The following TBX15 variants were observed in gnomAD, a reference collection of about 807,000 sequenced individuals.
TBX15 encodes T-box transcription factor 15.
Under a neutral mutation model 53.9 loss-of-function variants are expected in TBX15, and 18 were observed. The ratio of observed to expected loss-of-function variants is 0.33; its 90% confidence interval spans 0.23 to 0.49. The LOEUF (loss-of-function observed/expected upper bound fraction) is 0.49. TBX15 is among the 20% of genes least tolerant of loss of function. The pLI is 0.98. For synonymous variants in TBX15, 295 were observed against 278.0 expected (o/e 1.06, Z -0.61); for missense variants, 692 against 749.5 (o/e 0.92, Z 0.90).
intron 1 of TBX15, among the ~76,000 whole-genome samples, chr1:118,955,279 G>C (rs963854564): frequency 4.6e-5 from 7 of 152,020 alleles, no homozygotes; most frequent in Admixed American, 3.9e-4. Flanking sequence ...GAAAAGTGAA[G>C]TCTGGAACTG....
rs552523567 is a variant in TBX15, at chr1:118,932,726, A to G, written c.206-894T>C. Reference sequence around the variant, plus strand: ...GCTGGGGGGCAGGGGAAGCTGACTGATGGAGAAGGCTAGAGCCAGATTTAC... The same window carrying G: ...GCTGGGGGGCAGGGGAAGCTGACTGGTGGAGAAGGCTAGAGCCAGATTTAC... On this transcript the variant is annotated intron_variant, in intron 1 of 7. Coordinates refer to ENST00000369429, the MANE Select transcript of TBX15 (RefSeq NM_001330677.2). Among the ~76,000 whole-genome samples the G allele has an allele frequency of 6.6e-5, 10 of 152,254 alleles. No individual in the cohort carries two copies. In the East Asian group the frequency reaches 1.2e-3, roughly 18 times the overall value.
At chr1:118,976,481 T>C (rs1258308729) in intron 1 of TBX15, among the ~76,000 whole-genome samples, 1 of 152,160 alleles carries the variant, frequency 6.6e-6, no homozygotes, top group Admixed American at 6.5e-5. Flanking sequence ...TTTTTGGGGA[T>C]TTCTGAGCTC....
intron 3 of TBX15, 85 bp downstream of exon 3, chr1:118,926,424 GC>G (rs2101599824): frequency 8.3e-7 from 1 of 1,202,078 alleles, no homozygotes; most frequent in East Asian, 2.5e-5. Flanking sequence ...AGCATGCATT[GC>G]TAAACTATTT....
At chr1:118,926,261 A>C (rs1455202632) in intron 3 of TBX15, among the ~76,000 whole-genome samples, 1 of 152,226 alleles carries the variant, frequency 6.6e-6, no homozygotes, top group Non-Finnish European at 1.5e-5. Flanking sequence ...TTTAGACTTA[A>C]GATCCACTTG....
intron 4 of TBX15, 135 bp downstream of exon 4, chr1:118,924,511 G>GCTTA: frequency 1.9e-6 from 2 of 1,030,736 alleles, no homozygotes; most frequent in Non-Finnish European, 3.0e-6. Context: ...ACACTTTTAT[G>GCTTA]CTTACTTACT....
chr1:118,898,341 T>C (rs1654500717), intron 7 of TBX15, among the ~76,000 whole-genome samples: 1 of 152,162 alleles, frequency 6.6e-6, no homozygotes, highest in Non-Finnish European at 1.5e-5. Flanking sequence ...ATATGGGTGC[T>C]ATGCCTGGGA....
intron 6 of TBX15, among the ~76,000 whole-genome samples, chr1:118,901,982 C>CA (rs1654646712): frequency 6.6e-6 from 1 of 151,784 alleles, no homozygotes; most frequent in African/African-American, 2.4e-5. Context: ...TTATGGCTCC[C>CA]AAAAAAATAA....
chr1:118,980,747 A>G (rs1657619834), intron 1 of TBX15, among the ~76,000 whole-genome samples: 1 of 152,220 alleles, frequency 6.6e-6, no homozygotes, highest in African/African-American at 2.4e-5. Flanking sequence ...TTAAATGCCA[A>G]ATTTAGTTGG....
intron 1 of TBX15, among the ~76,000 whole-genome samples, chr1:118,942,923 A>T (rs1656234005): frequency 6.6e-6 from 1 of 152,196 alleles, no homozygotes. Flanking sequence ...TGTGCTCACC[A>T]GGTCCCCTAC....
intron 6 of TBX15, among the ~76,000 whole-genome samples, chr1:118,906,712 A>T (rs1654842633): frequency 6.6e-6 from 1 of 152,210 alleles, no homozygotes; most frequent in Admixed American, 6.5e-5. Context: ...GAGCAAATAT[A>T]TCCATTCCCG....
intron 6 of TBX15, among the ~76,000 whole-genome samples, chr1:118,903,957 A>G (rs1654724408): frequency 1.3e-5 from 2 of 152,180 alleles, no homozygotes; most frequent in South Asian, 4.1e-4. Context: ...CCAGTTATTT[A>G]AGCTTACTAT....
chr1:118,972,301 T>C (rs1657256957), intron 1 of TBX15, among the ~76,000 whole-genome samples: 1 of 152,258 alleles, frequency 6.6e-6, no homozygotes, highest in African/African-American at 2.4e-5. Flanking sequence ...TGTTTGGATT[T>C]ACACATCATG....
intron 6 of TBX15, among the ~76,000 whole-genome samples, chr1:118,901,617 T>C (rs1197888679): frequency 6.6e-6 from 1 of 152,206 alleles, no homozygotes; most frequent in Admixed American, 6.5e-5. Flanking sequence ...AGAACTGAGT[T>C]GTAAAATCAC....
chr1:118,913,572 G>A (rs1547848), intron 6 of TBX15, among the ~76,000 whole-genome samples: 26,214 of 152,174 alleles, frequency 0.17, 2,497 homozygotes, highest in Middle Eastern at 0.31. Context: ...CCTAGTCATA[G>A]TGACTGAGGC....
chr1:118,982,228 AG>A (rs1432318172), intron 1 of TBX15, among the ~76,000 whole-genome samples: 1 of 152,222 alleles, frequency 6.6e-6, no homozygotes, highest in African/African-American at 2.4e-5. Context: ...CAAAAAACAA[AG>A]AAAAAATTAT....
Position 118,885,618 on chromosome 1 carries a change from T to C in TBX15, c.1025-102A>G, listed in dbSNP as rs1050618379. On this transcript the variant is annotated intron_variant, in intron 7 of 7. Transcript: ENST00000369429. ...AGGAGGTGCCTTCAAATGTCCAAGA[T>C]AGGGCTGATTTTTACAGAACCATTT... The C allele has an allele frequency of 2.1e-6, 3 of 1,423,544 alleles. No individual in the cohort carries two copies. The African/African-American group carries it at 4.3e-5, about 20-fold the overall frequency. The allele number at this position is 1,423,544 out of a possible 1,614,324, so 88.2% of individuals were successfully genotyped here.
intron 7 of TBX15, among the ~76,000 whole-genome samples, chr1:118,893,112 A>C (rs1392576826): frequency 6.6e-6 from 1 of 151,532 alleles, no homozygotes; most frequent in Non-Finnish European, 1.5e-5. Flanking sequence ...GGTGGTGTGC[A>C]CCTGTAGTCC....
At chr1:118,916,548 C>T (rs1368042227) in intron 5 of TBX15, among the ~76,000 whole-genome samples, 1 of 152,118 alleles carries the variant, frequency 6.6e-6, no homozygotes, top group African/African-American at 2.4e-5. Context: ...CCATCTCACG[C>T]CAGTCAGAAA....
chr1:118,958,017 T>G (rs1656750735), intron 1 of TBX15, among the ~76,000 whole-genome samples: 1 of 152,230 alleles, frequency 6.6e-6, no homozygotes, highest in Admixed American at 6.5e-5. Context: ...TTAAAATTAA[T>G]GCAAAAATTT....
Sources: gnomAD v4.1 joint callset for allele counts (sites outside exome capture counted in the v4.1 genomes callset) on GRCh38, gnomAD v4.1.1 for gene constraint, MANE v1.5 for transcripts, NCBI Gene and HGNC (gene_info 2026-07-23, HGNC 2026-07-21) for gene names.